SH2D3C: variants seen among roughly 807,000 people sequenced by gnomAD.
The protein encoded by SH2D3C is SH2 domain containing 3C, also known as SH2 domain-containing protein 3C.
Under a neutral mutation model 75.2 loss-of-function variants are expected in SH2D3C, and 25 were observed. The ratio of observed to expected loss-of-function variants is 0.33; its 90% CI spans 0.24 to 0.46. The LOEUF (loss-of-function observed/expected upper bound fraction) is 0.46, where lower values mean the gene tolerates loss of function less well. Among genes scored for constraint, SH2D3C ranks in the 20% least tolerant of loss-of-function variants. SH2D3C has a pLI of 1.00. For missense variants in SH2D3C, 933 were observed against 1,165.3 expected (o/e 0.80, Z 2.90); for synonymous variants, 450 against 473.7 (o/e 0.95, Z 0.65).
chr9:127,773,580 T>C (rs778616798), intron 2 of SH2D3C, among the ~76,000 whole-genome samples: 5 of 152,188 alleles, frequency 3.3e-5, no homozygotes, highest in Non-Finnish European at 7.4e-5. Context: ...TTTAGCACAG[T>C]ACCTGGTCTA....
chr9:127,760,011 A>T (rs1217942325), intron 3 of SH2D3C, among the ~76,000 whole-genome samples: 6 of 150,696 alleles, frequency 4.0e-5, no homozygotes, highest in African/African-American at 1.2e-4. Flanking sequence ...TTTTTTTTTT[A>T]AATTAGCAGT....
At chr9:127,759,915 G>A (rs944349213) in intron 3 of SH2D3C, among the ~76,000 whole-genome samples, 7 of 151,756 alleles carry the variant, frequency 4.6e-5, no homozygotes, top group Admixed American at 2.6e-4. Context: ...CCCGGGAGGC[G>A]GAGCTTGCAG....
chr9:127,755,130 G>C, intron 3 of SH2D3C: 1 of 1,221,222 alleles, frequency 8.2e-7, no homozygotes, highest in Non-Finnish European at 1.0e-6. Context: ...CGGCCGACAG[G>C]GCACTCCACA....
intron 2 of SH2D3C, among the ~76,000 whole-genome samples, chr9:127,772,883 G>A (rs1845759024): frequency 6.6e-6 from 1 of 151,708 alleles, no homozygotes; most frequent in African/African-American, 2.4e-5. Flanking sequence ...GCCCAGTCTG[G>A]AGTACAGTGG....
chr9:127,771,960 T>C (rs1845746392), intron 2 of SH2D3C, among the ~76,000 whole-genome samples: 1 of 152,222 alleles, frequency 6.6e-6, no homozygotes, highest in South Asian at 2.1e-4. Flanking sequence ...ACCAGGTAGA[T>C]GCTATTGTTA....
In SH2D3C at chr9:127,749,303, G is replaced by T; in HGVS notation, c.1047C>A (p.Gly349=). Residue 349 remains glycine, a synonymous_variant, in exon 5 of 12, where the codon GGC becomes GGA. Coordinates refer to ENST00000314830, the MANE Select transcript of SH2D3C (RefSeq NM_170600.3). This position sits in a 1 kb window ranked among gnomAD's most constrained non-coding sequence, Gnocchi z 5.9. ...GCCGCTTCATGTGGCTGCCCTTGGGGCCTGAGGGGCTGACGGGGCTAGCAG... is the reference window on the plus strand; with the variant it reads ...GCCGCTTCATGTGGCTGCCCTTGGGTCCTGAGGGGCTGACGGGGCTAGCAG... ...SKPASPVSPS[G]PKGSHMKRRS... The T allele has an allele frequency of 6.2e-7, 1 of 1,611,216 alleles. No homozygotes were observed. Among genetic ancestry groups the T allele is most frequent in the Non-Finnish European group, 8.5e-7 (1 of 1,178,698 alleles).
At position 127,744,986 on chromosome 9, in the gene SH2D3C, G is replaced by A. The variant is rs1472955243; in HGVS notation, c.1378C>T (p.His460Tyr). Residue 460 changes from histidine to tyrosine, a missense_variant, in exon 7 of 12, where the codon CAT (histidine) becomes TAT (tyrosine). Physicochemically the swap from His to Tyr is moderately conservative, Grantham distance 83. Coordinates refer to ENST00000314830, the MANE Select transcript of SH2D3C (RefSeq NM_170600.3). The part of the protein sequence containing the change: ...QLCPGSAPKT[H>Y]GESDKGPHTS... ...TGGGGGCCCTTGTCTGACTCCCCAT[G>A]GGTCTTTGGGGCACTTCCGGGACAC... The A allele has an allele frequency of 6.5e-7, 1 of 1,529,438 alleles. No individual in the cohort carries two copies. Among genetic ancestry groups the A allele is most frequent in the Admixed American group, 2.1e-5 (1 of 47,426 alleles). 94.7% of individuals were successfully genotyped at this position (1,529,438 alleles called of 1,614,324 possible). A position where few individuals can be genotyped will look rare whatever the true frequency, so the allele number is the denominator to read the frequency against.
At position 127,774,514 on chromosome 9, in the gene SH2D3C, A is replaced by G. The variant is rs1845782568; in HGVS notation, c.38-47T>C. 3 of 951,738 alleles carry G rather than the reference A, an allele frequency of 3.2e-6. No homozygotes were observed. Among genetic ancestry groups the G allele is most frequent in the Non-Finnish European group, 5.1e-6 (3 of 591,160 alleles). 59.0% of individuals were successfully genotyped at this position (951,738 alleles called of 1,614,324 possible). A position where few individuals can be genotyped will look rare whatever the true frequency, so the allele number is the denominator to read the frequency against. ...AAAAGAAGTTAATGACAATGTCAAC[A>G]TCAGTGATAATAATGAACAATTCCT... On this transcript the variant is annotated intron_variant, in intron 1 of 11. Transcript: ENST00000314830. This position sits in a 1 kb window ranked among gnomAD's most constrained non-coding sequence, Gnocchi z 4.3.
At chr9:127,777,595 C>T (rs1829046892) in intron 1 of SH2D3C, among the ~76,000 whole-genome samples, 1 of 152,076 alleles carries the variant, frequency 6.6e-6, no homozygotes, top group Non-Finnish European at 1.5e-5. Context: ...CACCTGAGAT[C>T]CCATGTGAGC....
chr9:127,750,481 A>T (rs1378334453), intron 4 of SH2D3C, among the ~76,000 whole-genome samples: 2 of 152,150 alleles, frequency 1.3e-5, no homozygotes, highest in African/African-American at 4.8e-5. Flanking sequence ...TATCCACCTC[A>T]CAAAGGCTTC....
rs1255297254 is a variant in SH2D3C at position 127,739,516 on chromosome 9, A to G, written c.2407+166T>C. On this transcript the variant is annotated intron_variant, in intron 11 of 11. Transcript: ENST00000314830. This position sits in a 1 kb window ranked among gnomAD's most constrained non-coding sequence, Gnocchi z 4.3. Reference sequence around the variant, plus strand: ...CAGTGTGAGACTCCATCTCAAAAAAAAAAGAAAAAAGAAAAGAAAAGACAT... The same window carrying G: ...CAGTGTGAGACTCCATCTCAAAAAAGAAAGAAAAAAGAAAAGAAAAGACAT... 6.6e-6 allele frequency among the ~76,000 whole-genome samples: 1 copy of G among 152,164 alleles called. No homozygotes were observed. The highest frequency in any genetic ancestry group is 2.4e-5 in the African/African-American group (1 of 41,436).
At chr9:127,769,694 GA>G (rs1381648984) in intron 2 of SH2D3C, among the ~76,000 whole-genome samples, 5 of 150,086 alleles carry the variant, frequency 3.3e-5, no homozygotes, top group Admixed American at 2.0e-4. Context: ...AAAAACAAAA[GA>G]AAAACTTTGA....
At position 127,754,071 on chromosome 9, in the gene SH2D3C, C is replaced by T. The variant is rs1331882882; in HGVS notation, c.556-2771G>A. Among the ~76,000 whole-genome samples, 1 of 152,182 alleles carries T rather than the reference C, an allele frequency of 6.6e-6. No individual in the cohort carries two copies. Among genetic ancestry groups the T allele is most frequent in the Non-Finnish European group, 1.5e-5 (1 of 68,000 alleles). On this transcript the variant is annotated intron_variant, in intron 3 of 11. Coordinates refer to ENST00000314830, the MANE Select transcript of SH2D3C (RefSeq NM_170600.3). This position sits in a 1 kb window ranked among gnomAD's most constrained non-coding sequence, Gnocchi z 4.4. ...GTGAGGAATCCTAGGGTCCCTGTGC[C>T]TTGATCTCACCTCGACCTGGGAGCC...
intron 2 of SH2D3C, chr9:127,766,782 C>T: frequency 1.5e-6 from 1 of 686,582 alleles, no homozygotes; most frequent in East Asian, 2.7e-5. Context: ...GTTGGCCAGG[C>T]TGGTCTTGAA....
Position 127,773,987 on chromosome 9 carries a change from T to C in SH2D3C, c.515+3A>G, listed in dbSNP as rs1237099046. ...AGGTCCCAACCAGCCCCTGGGCACC[T>C]ACCTTTCTGAGTGCACGTCCCTGGG... On this transcript the variant is annotated splice_donor_region_variant and intron_variant, in intron 2 of 11. Transcript: ENST00000314830. The C allele has an allele frequency of 1.3e-6, 2 of 1,585,216 alleles. No individual in the cohort carries two copies. Among genetic ancestry groups the C allele is most frequent in the East Asian group, 2.2e-5 (1 of 44,608 alleles).
At chr9:127,777,942 A>G (rs934087488) in intron 1 of SH2D3C, among the ~76,000 whole-genome samples, 2 of 146,976 alleles carry the variant, frequency 1.4e-5, no homozygotes, top group African/African-American at 5.1e-5. Context: ...GTGAGAACCC[A>G]CCCCGGTCTC....
intron 2 of SH2D3C, chr9:127,762,376 T>C: frequency 7.9e-7 from 1 of 1,264,198 alleles, no homozygotes; most frequent in South Asian, 1.2e-5. Flanking sequence ...AACCCCAGAC[T>C]TGGAAACCCA....
At position 127,745,006 on chromosome 9, in the gene SH2D3C, GGACACA is replaced by G. The variant is rs753945670; in HGVS notation, c.1352_1357del (p.Leu451_Cys452del). ...CCCATGGGTCTTTGGGGCACTTCCG[GGACACA>G]GCTGGGGCTCACTGGAACGGCGGGC... On this transcript the variant is annotated inframe_deletion, in exon 7 of 12. Transcript: ENST00000314830. 1 of 1,521,428 alleles carries G rather than the reference GGACACA, an allele frequency of 6.6e-7. No homozygotes were observed. The highest frequency in any genetic ancestry group is 1.3e-5 in the South Asian group (1 of 75,686). 94.2% of individuals were successfully genotyped at this position (1,521,428 alleles called of 1,614,324 possible).
Position 127,749,699 on chromosome 9 carries a change from G to A in SH2D3C, c.685-34C>T. The A allele has an allele frequency of 7.0e-7, 1 of 1,418,874 alleles. No homozygotes were observed. The highest frequency in any genetic ancestry group is 9.6e-7 in the Non-Finnish European group (1 of 1,039,676). 87.9% of individuals were successfully genotyped at this position (1,418,874 alleles called of 1,614,324 possible). On this transcript the variant is annotated intron_variant, in intron 4 of 11. Coordinates refer to ENST00000314830, the MANE Select transcript of SH2D3C (RefSeq NM_170600.3). This position sits in a 1 kb window ranked among gnomAD's most constrained non-coding sequence, Gnocchi z 5.9. ...GGCATGGTTAGGCTGGAGTAGGGTG[G>A]GGCCAGGAGAGGGTCAGACCCAGGA... is the stretch of plus-strand genomic sequence containing the variant.
Sources: allele counts gnomAD v4.1 joint callset (sites outside exome capture counted in the v4.1 genomes callset), GRCh38; gene constraint gnomAD v4.1.1; non-coding constraint Gnocchi (gnomAD v3.1); transcripts MANE v1.5; gene names NCBI Gene and HGNC (gene_info 2026-07-23, HGNC 2026-07-21).